GABRB1: variants seen among roughly 807,000 people sequenced by gnomAD.
The protein encoded by GABRB1 is gamma-aminobutyric acid receptor subunit beta-1.
A neutral mutation model predicts 51.6 loss-of-function variants in GABRB1; 17 were observed. The ratio of observed to expected loss-of-function variants is 0.33; its 90% confidence interval spans 0.23 to 0.49. The LOEUF is 0.49. Ranked by LOEUF, GABRB1 falls within the 20% of genes least tolerant of loss-of-function variation. The pLI, the probability that GABRB1 is intolerant of heterozygous loss-of-function variation, is 0.99. For missense variants in GABRB1, 410 were observed against 600.6 expected (o/e 0.68, Z 3.32); for synonymous variants, 247 against 218.9 (o/e 1.13, Z -1.14).
chr4:47,263,248 A>T (rs938544733), intron 4 of GABRB1, among the ~76,000 whole-genome samples: 8 of 152,018 alleles, frequency 5.3e-5, no homozygotes, highest in African/African-American at 1.9e-4. Context: ...TAACATTAAC[A>T]AGAATTAAAA....
intron 4 of GABRB1, among the ~76,000 whole-genome samples, chr4:47,264,717 A>G (rs1722579870): frequency 6.6e-6 from 1 of 152,248 alleles, no homozygotes; most frequent in Non-Finnish European, 1.5e-5. Context: ...TTTCACAAAT[A>G]CACTGTATAC....
At chr4:47,231,874 T>A (rs1047986212) in intron 4 of GABRB1, among the ~76,000 whole-genome samples, 3 of 152,192 alleles carry the variant, frequency 2.0e-5, no homozygotes, top group Non-Finnish European at 4.4e-5. Flanking sequence ...ATAAAAATTG[T>A]CCATGGCAAC....
At chr4:47,271,398 A>G (rs1251822207) in intron 4 of GABRB1, among the ~76,000 whole-genome samples, 1 of 152,224 alleles carries the variant, frequency 6.6e-6, no homozygotes, top group African/African-American at 2.4e-5. Flanking sequence ...GAACCAAAAC[A>G]ACAGTTTAAT....
intron 4 of GABRB1, among the ~76,000 whole-genome samples, chr4:47,226,797 T>C (rs937474169): frequency 2.0e-5 from 3 of 152,130 alleles, no homozygotes; most frequent in African/African-American, 7.2e-5. Flanking sequence ...TTGGTGAAAA[T>C]TGTAGCTGTA....
chr4:47,067,150 A>G (rs576011027), intron 3 of GABRB1, among the ~76,000 whole-genome samples: 9 of 152,292 alleles, frequency 5.9e-5, no homozygotes, highest in African/African-American at 2.2e-4. Context: ...TGAGAAGTAG[A>G]TCTTAACAAT....
chr4:47,123,355 T>A (rs1164140085), intron 3 of GABRB1, among the ~76,000 whole-genome samples: 3 of 127,298 alleles, frequency 2.4e-5, no homozygotes, highest in Non-Finnish European at 4.8e-5. Flanking sequence ...ATATATTAGA[T>A]AATATATTAT....
chr4:47,219,531 A>G lies in GABRB1; in HGVS notation c.461+58062A>G, dbSNP rs1245192489. ...TAAACTTATTTATTACATTTGGGCCATTGTAGAATCTTTTGGACTCAGTGT... is the reference window on the plus strand; with the variant it reads ...TAAACTTATTTATTACATTTGGGCCGTTGTAGAATCTTTTGGACTCAGTGT... On this transcript the variant is annotated intron_variant, in intron 4 of 8. Transcript: ENST00000295454. Among the ~76,000 whole-genome samples, 9 of 152,020 alleles carry G rather than the reference A, an allele frequency of 5.9e-5. 1 individual carries two copies. In the South Asian group the frequency reaches 1.2e-3, roughly 21 times the overall value.
chr4:47,298,610 C>T (rs560277394), intron 4 of GABRB1, among the ~76,000 whole-genome samples: 1 of 151,892 alleles, frequency 6.6e-6, no homozygotes, highest in African/African-American at 2.4e-5. Flanking sequence ...AATGGAAGAA[C>T]ATTCCATGCT....
At chr4:47,138,429 T>C (rs1224905521) in intron 3 of GABRB1, among the ~76,000 whole-genome samples, 1 of 152,052 alleles carries the variant, frequency 6.6e-6, no homozygotes, top group Non-Finnish European at 1.5e-5. Context: ...GTCTATGCAG[T>C]TCTGATGGGG....
At chr4:47,235,175 C>A (rs1376231381) in intron 4 of GABRB1, among the ~76,000 whole-genome samples, 1 of 152,172 alleles carries the variant, frequency 6.6e-6, no homozygotes, top group Non-Finnish European at 1.5e-5. Context: ...ATCCACCCTT[C>A]AGAGTCATTA....
chr4:47,241,748 AGGTCT>A (rs1359037735), intron 4 of GABRB1, among the ~76,000 whole-genome samples: 4 of 152,186 alleles, frequency 2.6e-5, no homozygotes, highest in Non-Finnish European at 4.4e-5. Flanking sequence ...TGTTTAACAA[AGGTCT>A]TGTTTTCTTT....
intron 1 of GABRB1, among the ~76,000 whole-genome samples, chr4:47,003,010 T>C (rs760495381): frequency 1.3e-5 from 2 of 152,138 alleles, no homozygotes; most frequent in Non-Finnish European, 2.9e-5. Flanking sequence ...CAGTTTAGAG[T>C]GAGCAAAAGT....
Position 47,246,277 on chromosome 4 carries a change from CAT to C in GABRB1, c.462-73828_462-73827del, listed in dbSNP as rs1160512931. Among the ~76,000 whole-genome samples, 482 of 72,718 alleles carry C rather than the reference CAT, an allele frequency of 6.6e-3. 21 individuals carry two copies. The highest frequency in any genetic ancestry group is 0.023 in the Admixed American group (141 of 6,004). The allele number at this position is 72,718 out of a possible 152,430, so 47.7% of individuals were successfully genotyped here. A position where few individuals can be genotyped will look rare whatever the true frequency, so the allele number is the denominator to read the frequency against. The stretch of plus-strand genomic sequence containing the variant: ...TTCTCAGGGCTGAGTAGTATTCCAT[CAT>C]ATATATATATATATATATATACACA... On this transcript the variant is annotated intron_variant, in intron 4 of 8. Coordinates refer to ENST00000295454, the MANE Select transcript of GABRB1 (RefSeq NM_000812.4).
chr4:47,310,799 A>C (rs1021961747), intron 4 of GABRB1, among the ~76,000 whole-genome samples: 1 of 152,180 alleles, frequency 6.6e-6, no homozygotes, highest in African/African-American at 2.4e-5. Flanking sequence ...AAAGATGTCC[A>C]TGTCCTAAAT....
intron 3 of GABRB1, among the ~76,000 whole-genome samples, chr4:47,056,808 T>C (rs1726627295): frequency 6.6e-6 from 1 of 152,062 alleles, no homozygotes; most frequent in Non-Finnish European, 1.5e-5. Flanking sequence ...TGAGAAATCA[T>C]CTATAAGATC....
intron 5 of GABRB1, among the ~76,000 whole-genome samples, chr4:47,391,288 C>G (rs897534890): frequency 3.9e-5 from 6 of 152,098 alleles, no homozygotes; most frequent in Non-Finnish European, 5.9e-5. Flanking sequence ...AAACAAAGTG[C>G]GTGTGAGCTT....
intron 3 of GABRB1, among the ~76,000 whole-genome samples, chr4:47,077,980 A>T (rs1199499127): frequency 2.4e-4 from 9 of 37,922 alleles, no homozygotes; most frequent in Non-Finnish European, 3.2e-4. Flanking sequence ...TTTATATATA[A>T]TATATAATAT....
rs182074405 is a variant in GABRB1, at chr4:47,412,101, T to A, written c.1080+5175T>A. On this transcript the variant is annotated intron_variant, in intron 8 of 8. Coordinates refer to ENST00000295454, the MANE Select transcript of GABRB1 (RefSeq NM_000812.4). Reference sequence around the variant, plus strand: ...ATCGCTGTTAATTGTTCTTATGGGATCCTGTGCTTTTCCACAATAAGACTT... The same window carrying A: ...ATCGCTGTTAATTGTTCTTATGGGAACCTGTGCTTTTCCACAATAAGACTT... 1.1e-3 allele frequency among the ~76,000 whole-genome samples: 163 copies of A among 152,298 alleles called. 2 individuals are homozygous for A. The highest frequency in any genetic ancestry group is 1.8e-3 in the Non-Finnish European group (121 of 68,022).
intron 3 of GABRB1, among the ~76,000 whole-genome samples, chr4:47,050,124 T>C (rs1050770197): frequency 6.6e-6 from 1 of 152,184 alleles, no homozygotes; most frequent in Non-Finnish European, 1.5e-5. Flanking sequence ...CATTGTCCCA[T>C]TCACATTCGG....
Sources: gnomAD v4.1 joint callset for allele counts (sites outside exome capture counted in the v4.1 genomes callset) on GRCh38, gnomAD v4.1.1 for gene constraint, MANE v1.5 for transcripts, NCBI Gene and HGNC (gene_info 2026-07-23, HGNC 2026-07-21) for gene names.